Variants in SH3GLB2 observed in about 807,000 individuals in gnomAD.
The protein encoded by SH3GLB2 is SH3 domain containing GRB2 like, endophilin B2.
A neutral mutation model predicts 48.0 loss-of-function variants in SH3GLB2; 24 were observed. The observed-to-expected ratio is 0.50, with a 90% CI of 0.36 to 0.70. The LOEUF is 0.70. Among genes scored for constraint, SH3GLB2 ranks in the 30% least tolerant of loss-of-function variants. SH3GLB2 has a pLI of 0.00. For missense variants in SH3GLB2, 425 were observed against 516.0 expected (o/e 0.82, Z 1.71); for synonymous variants, 227 against 207.6 (o/e 1.09, Z -0.80).
At chr9:129,012,717 A>C in intron 5 of SH3GLB2, 1 of 525,700 alleles carries the variant, frequency 1.9e-6, no homozygotes, top group South Asian at 2.9e-5. Flanking sequence ...TCCGCACACC[A>C]CATCTCTTGC....
intron 3 of SH3GLB2, among the ~76,000 whole-genome samples, chr9:129,016,075 G>A (rs576891589): frequency 6.6e-6 from 1 of 152,120 alleles, no homozygotes; most frequent in Non-Finnish European, 1.5e-5. Flanking sequence ...GGGCGCAGTG[G>A]CTCACGCCTG....
chr9:129,014,567 T>C lies in SH3GLB2; in HGVS notation c.469-64A>G, dbSNP rs1329863250. ...GCCCTGGGAGACCCTGAGCCATGCATGGCAAGATTGGTGCCGGGGACGATC... is the reference window on the plus strand; with the variant it reads ...GCCCTGGGAGACCCTGAGCCATGCACGGCAAGATTGGTGCCGGGGACGATC... On this transcript the variant is annotated intron_variant, in intron 4 of 10. Coordinates refer to ENST00000372564, the MANE Select transcript of SH3GLB2 (RefSeq NM_020145.4). The surrounding 1 kb of genome is among the most constrained non-coding windows in gnomAD (Gnocchi z 4.1). 2 of 1,512,524 alleles carry C rather than the reference T, an allele frequency of 1.3e-6. No homozygotes were observed. The highest frequency in any genetic ancestry group is 1.8e-6 in the Non-Finnish European group (2 of 1,111,872). 93.7% of individuals were successfully genotyped at this position (1,512,524 alleles called of 1,614,324 possible).
At chr9:129,026,646 C>T (rs1448665526) in intron 1 of SH3GLB2, among the ~76,000 whole-genome samples, 3 of 152,274 alleles carry the variant, frequency 2.0e-5, no homozygotes, top group African/African-American at 7.2e-5. Flanking sequence ...CTAGGCCCTG[C>T]CCTGCCTAGG....
At position 129,007,071 on chromosome 9, in the gene SH3GLB2, A is replaced by G. The variant is rs777664892; in HGVS notation, c.*1613T>C. Reference sequence around the variant, plus strand: ...TGGTAATTCTGTGGTCTATTTATACAGATATTAAAATCTTGTTTATAGACA... The same window carrying G: ...TGGTAATTCTGTGGTCTATTTATACGGATATTAAAATCTTGTTTATAGACA... On this transcript the variant is annotated 3_prime_UTR_variant, in exon 11 of 11. Coordinates refer to ENST00000372564, the MANE Select transcript of SH3GLB2 (RefSeq NM_020145.4). The G allele has an allele frequency of 4.8e-5, 8 of 165,254 alleles. 1 individual carries two copies. The highest frequency in any genetic ancestry group is 1.0e-4 in the Non-Finnish European group (8 of 77,372). 10.2% of individuals were successfully genotyped at this position (165,254 alleles called of 1,614,324 possible). A position where few individuals can be genotyped will look rare whatever the true frequency, so the allele number is the denominator to read the frequency against.
At chr9:129,021,493 T>C (rs915618011) in intron 2 of SH3GLB2, among the ~76,000 whole-genome samples, 15 of 152,068 alleles carry the variant, frequency 9.9e-5, no homozygotes, top group Admixed American at 4.6e-4. Context: ...CCAAAAGTTA[T>C]CTGGCCCCTC....
chr9:129,021,925 C>T (rs1178296499), intron 2 of SH3GLB2, among the ~76,000 whole-genome samples: 2 of 148,422 alleles, frequency 1.3e-5, no homozygotes, highest in East Asian at 3.9e-4. Flanking sequence ...CACCATTGCA[C>T]TCCAGAATGG....
At chr9:129,016,342 TAAAAAAA>T (rs57505648) in intron 3 of SH3GLB2, among the ~76,000 whole-genome samples, 3 of 34,074 alleles carry the variant, frequency 8.8e-5, no homozygotes, top group African/African-American at 2.3e-4. Context: ...AGACTGTCTT[TAAAAAAA>T]AAAAAAAAAA....
rs1012565910 is a variant in SH3GLB2, at chr9:129,014,551, G to T, written c.469-48C>A. On this transcript the variant is annotated intron_variant, in intron 4 of 10. Coordinates refer to ENST00000372564, the MANE Select transcript of SH3GLB2 (RefSeq NM_020145.4). This position sits in a 1 kb window ranked among gnomAD's most constrained non-coding sequence, Gnocchi z 4.1. ...AGTGAGACCCTGGGCTGCCCTGGGA[G>T]ACCCTGAGCCATGCATGGCAAGATT... is the stretch of plus-strand genomic sequence containing the variant. 6 of 1,534,872 alleles carry T rather than the reference G, an allele frequency of 3.9e-6. No individual in the cohort carries two copies. Among genetic ancestry groups the T allele is most frequent in the Non-Finnish European group, 5.3e-6 (6 of 1,131,960 alleles).
chr9:129,019,693 A>AGT (rs1249377270), intron 3 of SH3GLB2, among the ~76,000 whole-genome samples: 4 of 140,900 alleles, frequency 2.8e-5, no homozygotes, highest in African/African-American at 1.1e-4. Context: ...TGGGTGACAG[A>AGT]GTGAGACTCT....
chr9:129,017,885 G>A (rs368444436), intron 3 of SH3GLB2, among the ~76,000 whole-genome samples: 7 of 146,206 alleles, frequency 4.8e-5, no homozygotes, highest in Middle Eastern at 3.6e-3. Context: ...GCGACAGAGC[G>A]AGATTCCGTC....
intron 3 of SH3GLB2, among the ~76,000 whole-genome samples, chr9:129,016,607 A>C (rs1166080798): frequency 6.6e-6 from 1 of 151,828 alleles, no homozygotes; most frequent in Non-Finnish European, 1.5e-5. Context: ...GCAGTGAACC[A>C]AGATCGCACC....
chr9:129,026,927 T>C (rs1324462135), intron 1 of SH3GLB2, among the ~76,000 whole-genome samples: 2 of 152,198 alleles, frequency 1.3e-5, no homozygotes, highest in African/African-American at 2.4e-5. Context: ...CAGCACCTTC[T>C]AGTAAACATG....
rs1379113997 is a variant in SH3GLB2, at chr9:129,011,326, C to G, written c.625-633G>C. ...TGAAATAGGGAATGCGGACCCAGGCCAGTGTGCGTGGCCGGCCCGTGTGGC... is the reference window on the plus strand; with the variant it reads ...TGAAATAGGGAATGCGGACCCAGGCGAGTGTGCGTGGCCGGCCCGTGTGGC... On this transcript the variant is annotated intron_variant, in intron 6 of 10. Transcript: ENST00000372564. This position sits in a 1 kb window ranked among gnomAD's most constrained non-coding sequence, Gnocchi z 4.5. 1 of 152,390 alleles carries G rather than the reference C, an allele frequency of 6.6e-6. No individual in the cohort carries two copies. The highest frequency in any genetic ancestry group is 1.5e-5 in the Non-Finnish European group (1 of 68,208). The allele number at this position is 152,390 out of a possible 1,614,324, so 9.4% of individuals were successfully genotyped here.
At chr9:129,009,670 A>C (rs1368996233) in intron 9 of SH3GLB2, 101 bp downstream of exon 9, 2 of 1,389,152 alleles carry the variant, frequency 1.4e-6, no homozygotes, top group Admixed American at 4.1e-5. Flanking sequence ...CCTCCAACCC[A>C]GCTTTGTGTC....
At chr9:129,010,408 G>T in intron 7 of SH3GLB2, 199 bp from the exon 8 acceptor site, 1 of 639,134 alleles carries the variant, frequency 1.6e-6, no homozygotes, top group Non-Finnish European at 2.8e-6. Context: ...ACAGGCAGCT[G>T]CAGTGACAGA....
At chr9:129,022,594 GT>G (rs1419706219) in intron 1 of SH3GLB2, among the ~76,000 whole-genome samples, 171 bp from the exon 2 acceptor site, 6 of 152,172 alleles carry the variant, frequency 3.9e-5, no homozygotes, top group Non-Finnish European at 7.3e-5. Context: ...GGGCCTCACT[GT>G]TTTCCCCTTT....
At chr9:129,010,042 C>T (rs1404878611) in intron 8 of SH3GLB2, 78 bp downstream of exon 8, 20 of 1,486,384 alleles carry the variant, frequency 1.3e-5, no homozygotes, top group Non-Finnish European at 3.7e-6. Context: ...TCTGGGGCAG[C>T]CCTGCTGACC....
chr9:129,019,643 A>G (rs571197170), intron 3 of SH3GLB2, among the ~76,000 whole-genome samples: 1 of 142,072 alleles, frequency 7.0e-6, no homozygotes, highest in South Asian at 2.3e-4. Context: ...CAGGAGGCAG[A>G]GGTTGCAGTG....
In SH3GLB2 at chr9:129,014,542, G is replaced by T; in HGVS notation, c.469-39C>A. On this transcript the variant is annotated intron_variant, in intron 4 of 10. Transcript: ENST00000372564. This position sits in a 1 kb window ranked among gnomAD's most constrained non-coding sequence, Gnocchi z 4.1. Reference sequence around the variant, plus strand: ...CATGGGGACAGTGAGACCCTGGGCTGCCCTGGGAGACCCTGAGCCATGCAT... The same window carrying T: ...CATGGGGACAGTGAGACCCTGGGCTTCCCTGGGAGACCCTGAGCCATGCAT... 1.3e-6 allele frequency: 2 copies of T among 1,544,354 alleles called. No individual in the cohort carries two copies. Among genetic ancestry groups the T allele is most frequent in the Non-Finnish European group, 1.8e-6 (2 of 1,140,362 alleles).
Sources: allele counts gnomAD v4.1 joint callset (sites outside exome capture counted in the v4.1 genomes callset), GRCh38; gene constraint gnomAD v4.1.1; non-coding constraint Gnocchi (gnomAD v3.1); transcripts MANE v1.5; gene names NCBI Gene and HGNC (gene_info 2026-07-23, HGNC 2026-07-21).